Variants in PATJ observed in about 807,000 individuals in gnomAD.
PATJ encodes the protein PATJ crumbs cell polarity complex component.
PATJ carries 190 observed loss-of-function variants against 224.9 expected under a neutral mutation model. The observed-to-expected ratio is 0.84, with a 90% CI of 0.75 to 0.95. The LOEUF is 0.95. Among genes scored for constraint, PATJ ranks in the 40% least tolerant of loss-of-function variants. PATJ has a pLI of 0.00. For missense variants in PATJ, 2,121 were observed against 2,270.3 expected (o/e 0.93, Z 1.34); for synonymous variants, 769 against 820.3 (o/e 0.94, Z 1.07).
intron 27 of PATJ, among the ~76,000 whole-genome samples, chr1:61,970,692 A>G (rs970414009): frequency 5.3e-5 from 8 of 152,044 alleles, no homozygotes; most frequent in Non-Finnish European, 1.2e-4. Flanking sequence ...TGACCTCTTC[A>G]TCTATTGCCC....
chr1:62,135,132 G>GGACATCA (rs1558217698), intron 41 of PATJ, among the ~76,000 whole-genome samples: 2 of 152,130 alleles, frequency 1.3e-5, no homozygotes, highest in Admixed American at 6.6e-5. Context: ...GATATGGCAT[G>GGACATCA]GACATCAGAT....
chr1:62,145,937 G>A (rs1366898227), intron 41 of PATJ, among the ~76,000 whole-genome samples: 2 of 152,084 alleles, frequency 1.3e-5, no homozygotes, highest in East Asian at 1.9e-4. Context: ...CAGCCTGGGC[G>A]ACAGAGTGAG....
intron 23 of PATJ, 51 bp from the exon 24 acceptor site, chr1:61,901,231 C>A: frequency 8.3e-7 from 1 of 1,206,990 alleles, no homozygotes; most frequent in Non-Finnish European, 1.1e-6. Flanking sequence ...ACTTACAGTC[C>A]AACAGATTAA....
At chr1:61,790,521 T>TTG (rs1649604885) in intron 8 of PATJ, among the ~76,000 whole-genome samples, 1 of 146,818 alleles carries the variant, frequency 6.8e-6, no homozygotes, top group South Asian at 2.2e-4. Flanking sequence ...TTTTGTTTTT[T>TTG]TTTTTTGTTT....
intron 22 of PATJ, 41 bp downstream of exon 22, chr1:61,884,449 T>G (rs1557818751): frequency 1.1e-5 from 9 of 804,392 alleles, no homozygotes; most frequent in African/African-American, 2.6e-5. Context: ...TATAAAATAG[T>G]GGTTTTTTTT....
At chr1:62,141,982 TTAAA>T (rs1470480998) in intron 41 of PATJ, among the ~76,000 whole-genome samples, 5 of 148,890 alleles carry the variant, frequency 3.4e-5, no homozygotes, top group African/African-American at 4.9e-5. Context: ...AAATAAATAA[TTAAA>T]TAAACAAATA....
chr1:61,875,270 C>CTACCTG lies in PATJ; in HGVS notation c.2867_2868insTGTACC (p.Pro956_Ser957insValPro). ...GAAAGAAAATTTTGTCATGGAGTCC[C>CTACCTG]TACCATCTGTACCATCAACTGAAGG... is the stretch of plus-strand genomic sequence containing the variant. On this transcript the variant is annotated inframe_insertion, in exon 21 of 44. Coordinates refer to ENST00000642238, the MANE Select transcript of PATJ (RefSeq NM_001350145.3). 2 of 1,603,958 alleles carry CTACCTG rather than the reference C, an allele frequency of 1.2e-6. No homozygotes were observed. Among genetic ancestry groups the CTACCTG allele is most frequent in the Non-Finnish European group, 1.7e-6 (2 of 1,173,182 alleles).
At chr1:62,130,635 A>C (rs1350039493) in intron 41 of PATJ, among the ~76,000 whole-genome samples, 2 of 151,644 alleles carry the variant, frequency 1.3e-5, no homozygotes, top group Non-Finnish European at 3.0e-5. Context: ...GCGGATCACG[A>C]GGTCAAGAGA....
intron 20 of PATJ, among the ~76,000 whole-genome samples, chr1:61,874,637 C>G (rs1233691975): frequency 6.6e-6 from 1 of 152,172 alleles, no homozygotes; most frequent in South Asian, 2.1e-4. Flanking sequence ...TTTGCAGGGT[C>G]AGGGGAAACA....
intron 28 of PATJ, among the ~76,000 whole-genome samples, chr1:61,991,220 C>T (rs1645045838): frequency 1.3e-5 from 2 of 149,644 alleles, no homozygotes; most frequent in Admixed American, 6.7e-5. Flanking sequence ...ATGATGATGA[C>T]AATAACAGCT....
At chr1:61,970,861 A>T (rs1056235191) in intron 27 of PATJ, among the ~76,000 whole-genome samples, 1 of 149,016 alleles carries the variant, frequency 6.7e-6, no homozygotes. Flanking sequence ...AAAGTATTCA[A>T]TGTCCAAATT....
chr1:61,755,205 A>T (rs1645569419), intron 1 of PATJ, among the ~76,000 whole-genome samples: 2 of 150,804 alleles, frequency 1.3e-5, no homozygotes. Flanking sequence ...GCTACTCGGG[A>T]GGCTGAGGCA....
intron 20 of PATJ, among the ~76,000 whole-genome samples, chr1:61,871,950 C>T (rs1015665331): frequency 6.6e-6 from 1 of 151,404 alleles, no homozygotes; most frequent in Non-Finnish European, 1.5e-5. Context: ...AAGTGGTCCA[C>T]CCACCTCGGC....
intron 27 of PATJ, among the ~76,000 whole-genome samples, chr1:61,943,210 A>G (rs1387402441): frequency 6.6e-6 from 1 of 152,162 alleles, no homozygotes; most frequent in East Asian, 1.9e-4. Context: ...AAGTTGGGTG[A>G]TTTCTGCATT....
chr1:61,992,919 G>A (rs1645150656), intron 28 of PATJ, among the ~76,000 whole-genome samples: 1 of 152,192 alleles, frequency 6.6e-6, no homozygotes, highest in South Asian at 2.1e-4. Context: ...CTCTTAGACA[G>A]CAGAACATCA....
intron 27 of PATJ, among the ~76,000 whole-genome samples, chr1:61,957,818 T>C (rs1358446188): frequency 1.3e-5 from 2 of 152,192 alleles, no homozygotes; most frequent in Non-Finnish European, 2.9e-5. Context: ...AGTTACGTTA[T>C]AGAAGTTGAA....
chr1:62,031,220 C>T (rs368100115), intron 29 of PATJ, among the ~76,000 whole-genome samples: 1 of 152,144 alleles, frequency 6.6e-6, no homozygotes, highest in South Asian at 2.1e-4. Flanking sequence ...CCATGATCAC[C>T]AATGCAGAAA....
At chr1:61,866,889 A>T (rs12029243) in intron 20 of PATJ, among the ~76,000 whole-genome samples, 8,348 of 152,290 alleles carry the variant, frequency 0.055, 305 homozygotes, top group South Asian at 0.1. Context: ...TATGCTAAAT[A>T]AGGGGTGGAT....
At chr1:62,077,172 G>A (rs1487817855) in intron 31 of PATJ, among the ~76,000 whole-genome samples, 2 of 152,266 alleles carry the variant, frequency 1.3e-5, no homozygotes, top group East Asian at 3.9e-4. Context: ...CCTAAAAATT[G>A]TACATTCACT....
Sources: allele counts gnomAD v4.1 joint callset (sites outside exome capture counted in the v4.1 genomes callset), GRCh38; gene constraint gnomAD v4.1.1; transcripts MANE v1.5; gene names NCBI Gene and HGNC (gene_info 2026-07-23, HGNC 2026-07-21).